CFAP92: variants seen among roughly 807,000 people sequenced by gnomAD.
CFAP92 encodes uncharacterized protein CFAP92.
A neutral mutation model predicts 106.3 loss-of-function variants in CFAP92; 86 were observed. That is an observed-to-expected ratio of 0.81 (90% CI 0.68 to 0.97). CFAP92 has a LOEUF of 0.97. CFAP92 is among the 50% of genes least tolerant of loss of function. CFAP92 has a pLI of 0.00. For missense variants in CFAP92, 1,204 were observed against 1,283.8 expected (o/e 0.94, Z 0.95); for synonymous variants, 477 against 506.4 (o/e 0.94, Z 0.78).
intron 7 of CFAP92, 144 bp downstream of exon 7, chr3:128,975,635 G>T (rs774019548): frequency 5.6e-5 from 39 of 695,012 alleles, no homozygotes; most frequent in Non-Finnish European, 8.0e-5. Context: ...TGCATAAGTT[G>T]AAAATGTATA....
intron 12 of CFAP92, among the ~76,000 whole-genome samples, chr3:128,931,506 T>C (rs1386924816): frequency 8.1e-6 from 1 of 123,966 alleles, no homozygotes; most frequent in African/African-American, 3.4e-5. Flanking sequence ...TATGTATATA[T>C]GTATATATAT....
At chr3:129,019,976 C>A in the CFAP92 span, among the ~76,000 whole-genome samples, 1 of 151,874 alleles carries the variant, frequency 6.6e-6, no homozygotes, top group Non-Finnish European at 1.5e-5. Flanking sequence ...ACCATGTTGG[C>A]CAGGCTGGTC....
At position 128,945,551 on chromosome 3, in the gene CFAP92, G is replaced by A. The variant is rs1940131048; in HGVS notation, c.1778C>T (p.Pro593Leu). 1 of 1,536,170 alleles carries A rather than the reference G, an allele frequency of 6.5e-7. No individual in the cohort carries two copies. Reference sequence around the variant, plus strand: ...CCTGCTGTCCTGGCCGCAGTGTGTGGGCTGAACCTCACAGCTGTGGATGGG... The same window carrying A: ...CCTGCTGTCCTGGCCGCAGTGTGTGAGCTGAACCTCACAGCTGTGGATGGG... ...AVPIHSCEVQ[P>L]THCGQDSRRR... The change falls in exon 10 of 16, where the codon CCC becomes CTC. Residue 593 changes from proline to leucine, a missense_variant. Physicochemically the swap from Pro to Leu is moderately conservative, Grantham distance 98. Coordinates refer to ENST00000645291, the MANE Select transcript of CFAP92 (RefSeq NM_001394090.1).
intron 10 of CFAP92, among the ~76,000 whole-genome samples, chr3:128,943,569 CTT>C (rs879381063): frequency 1.3e-4 from 20 of 150,396 alleles, no homozygotes; most frequent in East Asian, 3.9e-4. Flanking sequence ...GAGTTTCGCT[CTT>C]GTTTCCCAGG....
intron 10 of CFAP92, 41 bp from the exon 11 acceptor site, chr3:128,935,360 C>T: frequency 1.5e-6 from 2 of 1,364,928 alleles, no homozygotes; most frequent in Non-Finnish European, 2.0e-6. Context: ...TGCATGGCAG[C>T]TTCCTGGGAC....
chr3:128,962,831 T>C (rs1227650944), intron 9 of CFAP92, among the ~76,000 whole-genome samples: 6 of 152,220 alleles, frequency 3.9e-5, no homozygotes, highest in African/African-American at 1.4e-4. Context: ...TACAAGTTAG[T>C]TCAGAATCTG....
At chr3:128,984,074 G>A (rs1375840328) in intron 4 of CFAP92, among the ~76,000 whole-genome samples, 1 of 152,220 alleles carries the variant, frequency 6.6e-6, no homozygotes, top group Admixed American at 6.5e-5. Context: ...TGGGCACCAG[G>A]TGGGGGTGCC....
intron 9 of CFAP92, among the ~76,000 whole-genome samples, chr3:128,956,210 A>G (rs1576512046): frequency 9.8e-6 from 1 of 102,062 alleles, no homozygotes; most frequent in Non-Finnish European, 1.8e-5. Flanking sequence ...AAAAAAATAA[A>G]AAAATAAAAA....
chr3:128,938,072 GA>G (rs112911438), intron 10 of CFAP92, among the ~76,000 whole-genome samples: 1 of 149,434 alleles, frequency 6.7e-6, no homozygotes, highest in Non-Finnish European at 1.5e-5. Flanking sequence ...TCAAACAAAA[GA>G]AAAAAAAATT....
chr3:128,942,129 T>A (rs909982045), intron 10 of CFAP92, among the ~76,000 whole-genome samples: 1 of 152,206 alleles, frequency 6.6e-6, no homozygotes, highest in Non-Finnish European at 1.5e-5. Context: ...GACCGCCCTC[T>A]GGTTTGATAA....
intron 12 of CFAP92, among the ~76,000 whole-genome samples, chr3:128,929,289 T>A (rs1246305994): frequency 6.6e-6 from 1 of 152,164 alleles, no homozygotes. Flanking sequence ...GCAGAGAAAC[T>A]AGAACCCTCA....
intron 5 of CFAP92, among the ~76,000 whole-genome samples, chr3:128,977,378 C>T (rs1943224602): frequency 6.6e-6 from 1 of 152,042 alleles, no homozygotes; most frequent in Non-Finnish European, 1.5e-5. Context: ...GAAAACAGTC[C>T]TAAGTTCCCA....
chr3:128,977,683 AC>A (rs1290961018), intron 5 of CFAP92, among the ~76,000 whole-genome samples: 6 of 152,056 alleles, frequency 3.9e-5, no homozygotes, highest in East Asian at 1.9e-4. Flanking sequence ...ACATGGTGAA[AC>A]CCCGTCTCTA....
chr3:128,995,362 G>A (rs1250979703), upstream of CFAP92, among the ~76,000 whole-genome samples: 1 of 152,162 alleles, frequency 6.6e-6, no homozygotes, highest in Non-Finnish European at 1.5e-5. Flanking sequence ...AATGGCAGTG[G>A]GCCCTGTGAG....
chr3:128,916,395 C>T (rs911807930), intron 12 of CFAP92, 124 bp from the exon 13 acceptor site: 13 of 603,344 alleles, frequency 2.2e-5, no homozygotes, highest in Non-Finnish European at 3.1e-5. Flanking sequence ...TTCTTCAATA[C>T]TGGTGCTGTT....
chr3:128,912,513 C>T, intron 15 of CFAP92: 1 of 1,613,582 alleles, frequency 6.2e-7, no homozygotes, highest in African/African-American at 1.3e-5. Flanking sequence ...CCAGATGCTC[C>T]AGAAAACCTA....
chr3:128,973,534 T>TA (rs2107785209), intron 7 of CFAP92, among the ~76,000 whole-genome samples: 1 of 151,958 alleles, frequency 6.6e-6, no homozygotes, highest in Non-Finnish European at 1.5e-5. Flanking sequence ...CACATGCCTG[T>TA]AACCCCAGCT....
chr3:129,024,959 C>A, the CFAP92 span, among the ~76,000 whole-genome samples: 1 of 152,124 alleles, frequency 6.6e-6, no homozygotes, highest in Non-Finnish European at 1.5e-5. Context: ...CCAAACCCAG[C>A]GGCCACTCTT....
rs1940065079 is a variant in CFAP92 at position 128,945,053 on chromosome 3, G to A, written c.2258+18C>T. The A allele has an allele frequency of 2.0e-6, 3 of 1,490,470 alleles. No individual in the cohort carries two copies. Among genetic ancestry groups the A allele is most frequent in the African/African-American group, 1.4e-5 (1 of 71,642 alleles). The allele number at this position is 1,490,470 out of a possible 1,614,324, so 92.3% of individuals were successfully genotyped here. On this transcript the variant is annotated intron_variant, in intron 10 of 15. Coordinates refer to ENST00000645291, the MANE Select transcript of CFAP92 (RefSeq NM_001394090.1). Reference sequence around the variant, plus strand: ...AGATGCCATCATTTTTATGTAAAATGTAAAACAAACCACCTACCAGCTTTG... The same window carrying A: ...AGATGCCATCATTTTTATGTAAAATATAAAACAAACCACCTACCAGCTTTG...
Sources: gnomAD v4.1 joint callset for allele counts (sites outside exome capture counted in the v4.1 genomes callset) on GRCh38, gnomAD v4.1.1 for gene constraint, MANE v1.5 for transcripts, NCBI Gene and HGNC (gene_info 2026-07-23, HGNC 2026-07-21) for gene names.